The following CAMK2D variants were observed in gnomAD, a reference collection of about 807,000 sequenced individuals.
The protein encoded by CAMK2D is calcium/calmodulin dependent protein kinase II delta.
CAMK2D carries 37 observed loss-of-function variants against 84.0 expected under a neutral mutation model. That is an observed-to-expected ratio of 0.44 (90% CI 0.34 to 0.58). CAMK2D has a LOEUF of 0.58. CAMK2D is among the 20% of genes least tolerant of loss of function. The pLI is 0.02. For synonymous variants in CAMK2D, 202 were observed against 212.5 expected, an observed-to-expected ratio of 0.95 and a Z score of 0.43; for missense variants, 448 against 652.5, an observed-to-expected ratio of 0.69 and a Z score of 3.41.
intron 1 of CAMK2D, among the ~76,000 whole-genome samples, chr4:113,760,143 A>C (rs562039845): frequency 6.6e-6 from 1 of 152,318 alleles, no homozygotes; most frequent in African/African-American, 2.4e-5. Context: ...TCCATGCTAC[A>C]AAAATCAGCA....
At chr4:113,734,609 C>G (rs1046964741) in intron 2 of CAMK2D, among the ~76,000 whole-genome samples, 2 of 152,058 alleles carry the variant, frequency 1.3e-5, no homozygotes, top group Non-Finnish European at 2.9e-5. Context: ...AGTGGGAGGT[C>G]CAAGCACTAA....
rs35503858 is a variant in CAMK2D at position 113,526,414 on chromosome 4, A to ATGTGTG, written c.601+4796_601+4801dup. On this transcript the variant is annotated intron_variant, in intron 8 of 20. Transcript: ENST00000511664. ...ATAAGTTTCTAAGGAGTCATTCTTGATGTGTGTGTGTGTGTGTGTGTGTGT... is the reference window on the plus strand; with the variant it reads ...ATAAGTTTCTAAGGAGTCATTCTTGATGTGTGTGTGTGTGTGTGTGTGTGTGTGTGT... Among the ~76,000 whole-genome samples the ATGTGTG allele has an allele frequency of 4.7e-4, 70 of 149,672 alleles. 1 individual carries two copies. The highest frequency in any genetic ancestry group is 1.3e-3 in the Admixed American group (20 of 15,038).
At chr4:113,554,420 T>A (rs376807422) in intron 4 of CAMK2D, among the ~76,000 whole-genome samples, 13 of 152,224 alleles carry the variant, frequency 8.5e-5, no homozygotes, top group African/African-American at 3.1e-4. Context: ...GGACTAGCAT[T>A]CTGGTAGTTT....
At chr4:113,539,170 T>C (rs2098513240) in intron 6 of CAMK2D, among the ~76,000 whole-genome samples, 1 of 152,214 alleles carries the variant, frequency 6.6e-6, no homozygotes, top group African/African-American at 2.4e-5. Context: ...CATTCATGCA[T>C]TTCCTAATCT....
At chr4:113,754,690 T>A (rs553820747) in intron 2 of CAMK2D, 103 of 978,156 alleles carry the variant, frequency 1.1e-4, no homozygotes, top group Middle Eastern at 1.1e-3. Flanking sequence ...ACTTTTTTTT[T>A]TTATTATTTG....
intron 4 of CAMK2D, among the ~76,000 whole-genome samples, chr4:113,607,224 G>C (rs2098981604): frequency 6.6e-6 from 1 of 152,108 alleles, no homozygotes; most frequent in African/African-American, 2.4e-5. Flanking sequence ...AGCTGAGAAA[G>C]GACTGAAGAG....
chr4:113,595,266 G>GT (rs558798592), intron 4 of CAMK2D, among the ~76,000 whole-genome samples: 1 of 151,044 alleles, frequency 6.6e-6, no homozygotes, highest in East Asian at 2.0e-4. Flanking sequence ...TTAAAACAAA[G>GT]TTTTCAGGAG....
intron 4 of CAMK2D, among the ~76,000 whole-genome samples, chr4:113,562,174 T>C (rs558656538): frequency 7.7e-4 from 118 of 152,330 alleles, no homozygotes; most frequent in African/African-American, 2.7e-3. Flanking sequence ...TTCTAAATTA[T>C]GGAATATTTT....
chr4:113,556,065 TCA>T (rs1163407591), intron 4 of CAMK2D, among the ~76,000 whole-genome samples: 2 of 152,158 alleles, frequency 1.3e-5, no homozygotes, highest in African/African-American at 4.8e-5. Flanking sequence ...TGTCTGTTGT[TCA>T]AGCCACCCAA....
At chr4:113,587,522 CTTAA>C (rs1402023474) in intron 4 of CAMK2D, among the ~76,000 whole-genome samples, 1 of 152,048 alleles carries the variant, frequency 6.6e-6, no homozygotes, top group Non-Finnish European at 1.5e-5. Flanking sequence ...GGTCTTTATT[CTTAA>C]TTATTTTTTG....
At chr4:113,639,603 TG>T (rs985485209) in intron 3 of CAMK2D, among the ~76,000 whole-genome samples, 1 of 151,466 alleles carries the variant, frequency 6.6e-6, no homozygotes, top group Admixed American at 6.6e-5. Context: ...CAGGGAAGGC[TG>T]GGGGGTGATG....
chr4:113,489,229 G>A (rs1230128957), intron 16 of CAMK2D, among the ~76,000 whole-genome samples: 1 of 151,182 alleles, frequency 6.6e-6, no homozygotes, highest in African/African-American at 2.4e-5. Context: ...ATGCTGGTGC[G>A]CTGCACCCAC....
intron 2 of CAMK2D, among the ~76,000 whole-genome samples, chr4:113,721,166 T>A (rs1198449274): frequency 1.3e-5 from 2 of 152,216 alleles, no homozygotes; most frequent in East Asian, 3.9e-4. Flanking sequence ...TTAGAGATAA[T>A]CATCTGCGGT....
chr4:113,570,132 A>G (rs541700793), intron 4 of CAMK2D, among the ~76,000 whole-genome samples: 72 of 152,282 alleles, frequency 4.7e-4, no homozygotes, highest in African/African-American at 1.6e-3. Flanking sequence ...AGACAACACA[A>G]ATAAATGGAA....
At chr4:113,696,633 G>A (rs2099403722) in intron 2 of CAMK2D, among the ~76,000 whole-genome samples, 1 of 152,008 alleles carries the variant, frequency 6.6e-6, no homozygotes, top group Admixed American at 6.6e-5. Context: ...CTTCATCACG[G>A]ATGAGATAAA....
rs975344796 is a variant in CAMK2D at position 113,545,046 on chromosome 4, T to C, written c.414+2598A>G. On this transcript the variant is annotated intron_variant, in intron 6 of 20. Coordinates refer to ENST00000511664, the MANE Select transcript of CAMK2D (RefSeq NM_001321571.2). The stretch of plus-strand genomic sequence containing the variant: ...AATAGTGATCTTTATTCTGAAGATA[T>C]ACTTATCTTCTTTATGTTATTCAAA... Among the ~76,000 whole-genome samples the C allele has an allele frequency of 2.0e-5, 3 of 152,230 alleles. No individual in the cohort carries two copies. In the South Asian group the frequency reaches 6.2e-4, roughly 32 times the overall value.
chr4:113,598,099 AAGAT>A (rs1460155365), intron 4 of CAMK2D, among the ~76,000 whole-genome samples: 1 of 152,226 alleles, frequency 6.6e-6, no homozygotes, highest in Admixed American at 6.5e-5. Flanking sequence ...GAAAAGAACA[AAGAT>A]AGAAGACTGA....
At chr4:113,698,814 G>C (rs1407328072) in intron 2 of CAMK2D, among the ~76,000 whole-genome samples, 1 of 151,982 alleles carries the variant, frequency 6.6e-6, no homozygotes. Context: ...TAAAAAATGG[G>C]TATATAGCTA....
chr4:113,638,314 G>A (rs1032977120), intron 3 of CAMK2D, among the ~76,000 whole-genome samples: 3 of 152,264 alleles, frequency 2.0e-5, no homozygotes, highest in South Asian at 4.1e-4. Context: ...TAGAGACAGA[G>A]AGAGAGAAAA....
Sources: allele counts gnomAD v4.1 joint callset (sites outside exome capture counted in the v4.1 genomes callset), GRCh38; gene constraint gnomAD v4.1.1; transcripts MANE v1.5; gene names NCBI Gene and HGNC (gene_info 2026-07-23, HGNC 2026-07-21).